PTPRD: variants seen among roughly 807,000 people sequenced by gnomAD.
PTPRD encodes the protein protein tyrosine phosphatase receptor type D.
In PTPRD, 34 loss-of-function variants were observed where a neutral mutation model predicts 214.5. The observed-to-expected ratio is 0.16, with a 90% CI of 0.12 to 0.21. The LOEUF is 0.21. Ranked by LOEUF, PTPRD falls within the 10% of genes least tolerant of loss-of-function variation. The pLI is 1.00. For missense variants in PTPRD, 2,545 were observed against 2,398.7 expected (o/e 1.06, Z -1.27); for synonymous variants, 1,128 against 845.7 (o/e 1.33, Z -5.79).
intron 10 of PTPRD, among the ~76,000 whole-genome samples, chr9:9,084,408 T>A (rs2099763924): frequency 6.6e-6 from 1 of 151,464 alleles, no homozygotes; most frequent in Non-Finnish European, 1.5e-5. Flanking sequence ...CTGTCAGGGG[T>A]TGGGGGTCTA....
At chr9:10,479,880 A>G (rs538313725) in intron 2 of PTPRD, among the ~76,000 whole-genome samples, 23 of 152,214 alleles carry the variant, frequency 1.5e-4, no homozygotes, top group African/African-American at 5.5e-4. Flanking sequence ...AGACTGTTTC[A>G]AGAGTCTTCA....
At chr9:9,229,140 T>G (rs1042549990) in intron 9 of PTPRD, among the ~76,000 whole-genome samples, 5 of 152,140 alleles carry the variant, frequency 3.3e-5, no homozygotes, top group Non-Finnish European at 5.9e-5. Flanking sequence ...ATATCACATT[T>G]TATTGCTATA....
At chr9:9,353,573 A>G (rs2052377657) in intron 9 of PTPRD, among the ~76,000 whole-genome samples, 1 of 151,740 alleles carries the variant, frequency 6.6e-6, no homozygotes, top group Non-Finnish European at 1.5e-5. Flanking sequence ...TTTTCTATTC[A>G]CTTTACATAG....
At chr9:8,421,435 A>G (rs1413496452) in intron 35 of PTPRD, among the ~76,000 whole-genome samples, 1 of 151,008 alleles carries the variant, frequency 6.6e-6, no homozygotes, top group African/African-American at 2.4e-5. Flanking sequence ...AGAAAATTTT[A>G]CCATGCTAGT....
Position 9,827,847 on chromosome 9 carries a change from A to G in PTPRD, c.-367-60996T>C, listed in dbSNP as rs189331784. 3.6e-3 allele frequency among the ~76,000 whole-genome samples: 552 copies of G among 152,310 alleles called. 5 individuals are homozygous for G. Among genetic ancestry groups the G allele is most frequent in the African/African-American group, 0.013 (533 of 41,578 alleles). ...CCCCATCAACAAGTGGGTGAAGGAT[A>G]TGAACAGACACTTGTCAACAGAAGA... On this transcript the variant is annotated intron_variant, in intron 5 of 45. Transcript: ENST00000381196.
At chr9:10,140,701 C>A (rs915742477) in intron 3 of PTPRD, among the ~76,000 whole-genome samples, 8 of 152,058 alleles carry the variant, frequency 5.3e-5, no homozygotes, top group African/African-American at 1.2e-4. Flanking sequence ...CCTTCTGAAA[C>A]TATTCCAATC....
At chr9:10,397,789 G>A (rs1341133672) in intron 2 of PTPRD, among the ~76,000 whole-genome samples, 1 of 151,874 alleles carries the variant, frequency 6.6e-6, no homozygotes, top group Non-Finnish European at 1.5e-5. Context: ...TGGAGGATGT[G>A]TAACTAAGAA....
intron 2 of PTPRD, among the ~76,000 whole-genome samples, chr9:10,414,475 T>C (rs1191080654): frequency 6.6e-6 from 1 of 151,902 alleles, no homozygotes; most frequent in Non-Finnish European, 1.5e-5. Context: ...AAGGAACACT[T>C]AGACACTGTT....
intron 5 of PTPRD, among the ~76,000 whole-genome samples, chr9:9,849,564 G>T (rs758945122): frequency 6.6e-5 from 10 of 152,076 alleles, no homozygotes; most frequent in Non-Finnish European, 1.0e-4. Flanking sequence ...GAAAAGGAAA[G>T]AATTTCCAGG....
At chr9:8,441,646 A>G (rs10815875) in intron 34 of PTPRD, among the ~76,000 whole-genome samples, 20,088 of 151,988 alleles carry the variant, frequency 0.13, 1,640 homozygotes, top group East Asian at 0.28. Context: ...CCACAAGGCA[A>G]TGGACTAGAT....
At chr9:10,409,884 A>G (rs533233801) in intron 2 of PTPRD, among the ~76,000 whole-genome samples, 93 of 151,826 alleles carry the variant, frequency 6.1e-4, no homozygotes, top group African/African-American at 2.1e-3. Flanking sequence ...CAGATTTTCC[A>G]GCCCCATTCA....
chr9:9,022,320 C>T (rs534832049), intron 10 of PTPRD, among the ~76,000 whole-genome samples: 10 of 152,162 alleles, frequency 6.6e-5, no homozygotes, highest in Admixed American at 2.6e-4. Flanking sequence ...ACTGCTCACT[C>T]GTTGATTCAC....
intron 9 of PTPRD, among the ~76,000 whole-genome samples, chr9:9,317,561 C>T (rs563274955): frequency 6.6e-6 from 1 of 152,108 alleles, no homozygotes; most frequent in African/African-American, 2.4e-5. Flanking sequence ...GCGTCTATGG[C>T]CTGCACTAAT....
intron 8 of PTPRD, among the ~76,000 whole-genome samples, chr9:9,465,404 G>A (rs981922516): frequency 6.6e-6 from 1 of 152,140 alleles, no homozygotes; most frequent in South Asian, 2.1e-4. Context: ...AAGGCTAAGA[G>A]CCAAAAACCA....
At position 8,315,133 on chromosome 9, in the gene PTPRD, C is replaced by T. The variant is rs7027735; in HGVS notation, c.*2741G>A. ...GGTAATGGCAGATAAAGATGGTTCA[C>T]CTGGGAAATTAAAACTTGAATGGTT... On this transcript the variant is annotated 3_prime_UTR_variant, in exon 46 of 46. Transcript: ENST00000381196. 3.6e-3 allele frequency: 841 copies of T among 232,442 alleles called. 14 individuals are homozygous for T. Among genetic ancestry groups the T allele is most frequent in the African/African-American group, 0.018 (809 of 45,260 alleles). The allele number at this position is 232,442 out of a possible 1,614,324, so 14.4% of individuals were successfully genotyped here. A position where few individuals can be genotyped will look rare whatever the true frequency, so the allele number is the denominator to read the frequency against.
intron 10 of PTPRD, among the ~76,000 whole-genome samples, chr9:9,058,958 C>G (rs1205614735): frequency 6.6e-6 from 1 of 151,984 alleles, no homozygotes; most frequent in Non-Finnish European, 1.5e-5. Context: ...AACATCTCAG[C>G]TGAAGAAGAG....
intron 12 of PTPRD, among the ~76,000 whole-genome samples, chr9:8,649,725 C>G (rs530491377): frequency 2.7e-4 from 41 of 152,182 alleles, no homozygotes; most frequent in Middle Eastern, 3.4e-3. Context: ...GTTTTTATTA[C>G]AAAGATTAAT....
intron 2 of PTPRD, among the ~76,000 whole-genome samples, chr9:10,354,851 C>A (rs2097247707): frequency 6.6e-6 from 1 of 152,068 alleles, no homozygotes; most frequent in South Asian, 2.1e-4. Flanking sequence ...GCCGTACGTG[C>A]TTTGTGTGTC....
chr9:10,006,075 G>T (rs1169138645), intron 4 of PTPRD, among the ~76,000 whole-genome samples: 1 of 151,784 alleles, frequency 6.6e-6, no homozygotes, highest in African/African-American at 2.4e-5. Flanking sequence ...AATGAGATGA[G>T]AATCAATAAA....
Sources: allele counts gnomAD v4.1 joint callset (sites outside exome capture counted in the v4.1 genomes callset), GRCh38; gene constraint gnomAD v4.1.1; transcripts MANE v1.5; gene names NCBI Gene and HGNC (gene_info 2026-07-23, HGNC 2026-07-21).